AP1S3: variants seen among roughly 807,000 people sequenced by gnomAD.
AP1S3 encodes the protein adaptor related protein complex 1 subunit sigma 3, also known as AP-1 complex subunit sigma-3.
In AP1S3, 10 loss-of-function variants were observed where a neutral mutation model predicts 20.9. The ratio of observed to expected loss-of-function variants is 0.48; its 90% CI spans 0.29 to 0.81. The LOEUF is 0.81. AP1S3 is among the 30% of genes least tolerant of loss of function. The probability of loss-of-function intolerance (pLI) is 0.08; values close to 1 mark genes in which losing one functional copy is unlikely to be tolerated. For missense variants in AP1S3, 154 were observed against 183.8 expected, an observed-to-expected ratio of 0.84 and a Z score of 0.94; for synonymous variants, 41 against 61.5, an observed-to-expected ratio of 0.67 and a Z score of 1.56.
chr2:223,796,470 T>A (rs1691340284), intron 1 of AP1S3, among the ~76,000 whole-genome samples: 1 of 152,206 alleles, frequency 6.6e-6, no homozygotes, highest in Admixed American at 6.5e-5. Flanking sequence ...CACCTTTCCA[T>A]TATTATTATT....
intron 1 of AP1S3, among the ~76,000 whole-genome samples, chr2:223,819,635 T>A (rs1691940879): frequency 6.6e-6 from 1 of 152,044 alleles, no homozygotes; most frequent in African/African-American, 2.4e-5. Flanking sequence ...TCTTTGTGAT[T>A]ATCTAATTTC....
chr2:223,785,203 G>A (rs890301731), intron 1 of AP1S3, among the ~76,000 whole-genome samples: 6 of 152,182 alleles, frequency 3.9e-5, no homozygotes, highest in African/African-American at 7.2e-5. Context: ...TTAGCCGGGC[G>A]TGGTGGTGGA....
chr2:223,823,723 TAA>T (rs746072960), intron 1 of AP1S3, among the ~76,000 whole-genome samples: 89 of 152,312 alleles, frequency 5.8e-4, no homozygotes, highest in Non-Finnish European at 9.4e-4. Context: ...TGAAAATTAC[TAA>T]GAGTATATTT....
At chr2:223,782,621 G>A (rs1690976629) in intron 1 of AP1S3, among the ~76,000 whole-genome samples, 1 of 152,188 alleles carries the variant, frequency 6.6e-6, no homozygotes, top group Non-Finnish European at 1.5e-5. Context: ...AACGAACAAA[G>A]AGCAATGTTT....
Position 223,837,565 on chromosome 2 carries a change from A to G in AP1S3, c.-115T>C, listed in dbSNP as rs544530525. The G allele has an allele frequency of 2.0e-3, 1,211 of 616,466 alleles. 1 individual carries two copies. The highest frequency in any genetic ancestry group is 2.7e-3 in the Non-Finnish European group (1,133 of 424,246). The allele number at this position is 616,466 out of a possible 1,614,324, so 38.2% of individuals were successfully genotyped here. A position where few individuals can be genotyped will look rare whatever the true frequency, so the allele number is the denominator to read the frequency against. On this transcript the variant is annotated 5_prime_UTR_variant, in exon 1 of 5. An upstream start codon of the reference 5' UTR is lost. Coordinates refer to ENST00000396654, the MANE Select transcript of AP1S3 (RefSeq NM_001039569.2). ...ACAGGTGAGGCGCCCGGCTTAGACC[A>G]TGGCTGCTTCCCACAATGCCCTGGC...
At chr2:223,770,726 C>CTTTTTTTTT (rs1194728092) in intron 3 of AP1S3, among the ~76,000 whole-genome samples, 2 of 76,630 alleles carry the variant, frequency 2.6e-5, no homozygotes, top group Non-Finnish European at 4.2e-5. Context: ...TAGACCAGTT[C>CTTTTTTTTT]ATTTTTTTTT....
intron 1 of AP1S3, among the ~76,000 whole-genome samples, chr2:223,787,529 T>G (rs672741): frequency 0.87 from 132,336 of 152,214 alleles, 57,917 homozygotes; most frequent in East Asian, 1. Context: ...AATAGGGGAA[T>G]TTGTCACTGA....
At chr2:223,761,794 C>T (rs1690361361) in intron 4 of AP1S3, among the ~76,000 whole-genome samples, 1 of 152,106 alleles carries the variant, frequency 6.6e-6, no homozygotes, top group Non-Finnish European at 1.5e-5. Context: ...AAACTCTTGA[C>T]TTAAGCAGTC....
chr2:223,817,761 A>T (rs926253852), intron 1 of AP1S3, among the ~76,000 whole-genome samples: 105 of 152,168 alleles, frequency 6.9e-4, no homozygotes, highest in Non-Finnish European at 1.4e-3. Flanking sequence ...GAAGAACATC[A>T]GAGACTATTT....
intron 1 of AP1S3, among the ~76,000 whole-genome samples, chr2:223,820,452 T>G (rs566515550): frequency 6.6e-6 from 1 of 152,182 alleles, no homozygotes; most frequent in South Asian, 2.1e-4. Flanking sequence ...CCTGTTTAAC[T>G]CATCTTATAT....
At chr2:223,831,624 G>C (rs1692259379) in intron 1 of AP1S3, among the ~76,000 whole-genome samples, 4 of 152,152 alleles carry the variant, frequency 2.6e-5, no homozygotes, top group Admixed American at 2.0e-4. Flanking sequence ...GGGAAAACTA[G>C]GTATACCAGA....
intron 1 of AP1S3, among the ~76,000 whole-genome samples, chr2:223,792,859 TAAAC>T (rs1172087144): frequency 6.6e-6 from 1 of 151,806 alleles, no homozygotes; most frequent in Non-Finnish European, 1.5e-5. Context: ...ACAAGGAACT[TAAAC>T]AAATTTACAA....
chr2:223,782,824 A>G (rs1265142128), intron 1 of AP1S3, among the ~76,000 whole-genome samples: 1 of 152,198 alleles, frequency 6.6e-6, no homozygotes, highest in East Asian at 1.9e-4. Context: ...TTGAGAACTG[A>G]GCTTGTGTTG....
chr2:223,800,213 TAAAA>T (rs59645201), intron 1 of AP1S3, among the ~76,000 whole-genome samples: 1 of 132,808 alleles, frequency 7.5e-6, no homozygotes. Context: ...AGATTGCGTC[TAAAA>T]AAAAAAAAAA....
intron 1 of AP1S3, among the ~76,000 whole-genome samples, chr2:223,826,372 C>T (rs1692128532): frequency 6.6e-6 from 1 of 152,096 alleles, no homozygotes; most frequent in Non-Finnish European, 1.5e-5. Context: ...GCGGGCAGAT[C>T]ACTTGAGGTC....
rs370634048 is a variant in AP1S3, at chr2:223,811,952, C to T, written c.3+25496G>A. On this transcript the variant is annotated intron_variant, in intron 1 of 4. Transcript: ENST00000396654. ...CTACATGTTTATGTAAGTTGACCAG[C>T]ATCTCTAGGGAGATTAACGTGAGAT... is the stretch of plus-strand genomic sequence containing the variant. Among the ~76,000 whole-genome samples, 100 of 152,338 alleles carry T rather than the reference C, an allele frequency of 6.6e-4. 1 individual carries two copies. The highest frequency in any genetic ancestry group is 2.4e-3 in the African/African-American group (98 of 41,588).
At chr2:223,828,058 T>TAAAAAAAAAAAAAAAAAAAAAAAA (rs527671959) in intron 1 of AP1S3, among the ~76,000 whole-genome samples, 5 of 94,698 alleles carry the variant, frequency 5.3e-5, no homozygotes, top group African/African-American at 7.9e-5. Flanking sequence ...AGACTTCATC[T>TAAAAAAAAAAAAAAAAAAAAAAAA]AAAAAAAAAA....
At chr2:223,825,889 C>G (rs147379169) in intron 1 of AP1S3, among the ~76,000 whole-genome samples, 1,722 of 152,044 alleles carry the variant, frequency 0.011, 28 homozygotes, top group Non-Finnish European at 0.016. Context: ...TGGTGGCGGG[C>G]ACCTGTAACC....
chr2:223,800,769 T>C (rs890047278), intron 1 of AP1S3, among the ~76,000 whole-genome samples: 10 of 152,154 alleles, frequency 6.6e-5, no homozygotes, highest in Middle Eastern at 3.2e-3. Context: ...CCCTTTCAGG[T>C]CAGGAACAAG....
Sources: gnomAD v4.1 joint callset for allele counts (sites outside exome capture counted in the v4.1 genomes callset) on GRCh38, gnomAD v4.1.1 for gene constraint, MANE v1.5 for transcripts, NCBI Gene and HGNC (gene_info 2026-07-23, HGNC 2026-07-21) for gene names.